Variants in TIRAP observed in about 807,000 individuals in gnomAD.
TIRAP encodes the protein toll/interleukin-1 receptor domain-containing adapter protein.
TIRAP carries 20 observed loss-of-function variants against 19.8 expected under a neutral mutation model. The observed-to-expected ratio is 1.01, with a 90% CI of 0.71 to 1.47. The LOEUF is 1.47. Ranked by LOEUF, TIRAP falls within the 40% of genes most tolerant of loss-of-function variation. The pLI is 0.00. For synonymous variants in TIRAP, 125 were observed against 121.7 expected (o/e 1.03, Z -0.18); for missense variants, 276 against 285.1 (o/e 0.97, Z 0.23).
intron 3 of TIRAP, among the ~76,000 whole-genome samples, 172 bp from the exon 4 acceptor site, chr11:126,292,305 A>AAG (rs1431513466): frequency 4.0e-5 from 6 of 150,954 alleles, no homozygotes; most frequent in African/African-American, 1.2e-4. Context: ...CTGCCTCAAA[A>AAG]AAAAAAAAAA....
chr11:126,284,305 A>G (rs186149435), intron 1 of TIRAP, among the ~76,000 whole-genome samples: 323 of 151,464 alleles, frequency 2.1e-3, no homozygotes, highest in South Asian at 0.011. Flanking sequence ...GAGTGCTGGG[A>G]TTACAGGCGT....
At position 126,290,960 on chromosome 11, in the gene TIRAP, TGG is replaced by T. The variant is rs769996139; in HGVS notation, c.67_67+1del. 17 of 1,604,380 alleles carry T rather than the reference TGG, an allele frequency of 1.1e-5. 1 individual carries two copies. The African/African-American group carries it at 1.2e-4, about 11-fold the overall frequency. ...CTAAGAAGCCTCTAGGCAAGATGGC[TGG>T]TGAGTGGAACCGGACTCGCGACTCT... On this transcript the variant is annotated splice_donor_variant and coding_sequence_variant, in exon 3 of 5. Transcript: ENST00000392679. LOFTEE classifies it high-confidence loss of function. The surrounding 1 kb of genome is among the most constrained non-coding windows in gnomAD (Gnocchi z 4.9).
Position 126,287,318 on chromosome 11 carries a change from A to AT in TIRAP, c.-216-3131dup, listed in dbSNP as rs34312598. ...ATATTGGATACTAAATACACTTTGG[A>AT]TTTTTTTTTTTTTATTTTTGAGACT... is the stretch of plus-strand genomic sequence containing the variant. On this transcript the variant is annotated intron_variant, in intron 1 of 4. Transcript: ENST00000392679. This position sits in a 1 kb window ranked among gnomAD's most constrained non-coding sequence, Gnocchi z 4.2. Among the ~76,000 whole-genome samples the AT allele has an allele frequency of 0.1, 14,740 of 147,420 alleles. 852 individuals carry two copies. The highest frequency in any genetic ancestry group is 0.14 in the Non-Finnish European group (8,999 of 66,412).
chr11:126,292,986 T>C lies in TIRAP; in HGVS notation c.577T>C (p.Phe193Leu). 2.5e-6 allele frequency: 4 copies of C among 1,614,168 alleles called. No individual in the cohort carries two copies. The South Asian group carries it at 3.3e-5, about 13-fold the overall frequency. ...AGCTGCCTACCCACCTGAGCTCCGA[T>C]TCATGTACTACGTCGATGGCAGGGG... ...SRAAYPPELR[F>L]MYYVDGRGPD... Residue 193 changes from phenylalanine (F) to leucine (L), a missense_variant, in exon 4 of 5, where the codon TTC becomes CTC. Coordinates refer to ENST00000392679, the MANE Select transcript of TIRAP (RefSeq NM_001318777.2).
Position 126,292,560 on chromosome 11 carries a change from A to G in TIRAP, c.151A>G (p.Thr51Ala), listed in dbSNP as rs765726820. ...ESTSSDASQP[T>A]SQDSPLPPSL... is the part of the protein sequence containing the mutation. ...CACCTCCAGCGATGCTTCACAGCCT[A>G]CCTCACAGGACAGCCCACTACCCCC... The change falls in exon 4 of 5, where the codon ACC becomes GCC. Residue 51 changes from threonine (T) to alanine (A), a missense_variant. Coordinates refer to ENST00000392679, the MANE Select transcript of TIRAP (RefSeq NM_001318777.2). The G allele has an allele frequency of 1.3e-5, 21 of 1,613,914 alleles. No homozygotes were observed. In the South Asian group the frequency reaches 2.2e-4, roughly 17 times the overall value.
Position 126,294,680 on chromosome 11 carries a change from T to A in TIRAP, c.*993T>A. On this transcript the variant is annotated 3_prime_UTR_variant, in exon 5 of 5. Coordinates refer to ENST00000392679, the MANE Select transcript of TIRAP (RefSeq NM_001318777.2). Reference sequence around the variant, plus strand: ...AACTGAAATGAATTTCATTATTTCCTCCAATGTGTACTTTTGTGCCCCCCT... The same window carrying A: ...AACTGAAATGAATTTCATTATTTCCACCAATGTGTACTTTTGTGCCCCCCT... The A allele has an allele frequency of 2.5e-6, 1 of 392,752 alleles. No homozygotes were observed. The allele number at this position is 392,752 out of a possible 1,614,324, so 24.3% of individuals were successfully genotyped here.
rs1951366428 is a variant in TIRAP at position 126,290,447 on chromosome 11, C to T, written c.-216-15C>T. 7 of 991,126 alleles carry T rather than the reference C, an allele frequency of 7.1e-6. No individual in the cohort carries two copies. In the South Asian group the frequency reaches 3.2e-4, roughly 46 times the overall value. The allele number at this position is 991,126 out of a possible 1,614,324, so 61.4% of individuals were successfully genotyped here. The stretch of plus-strand genomic sequence containing the variant: ...ATTTGTCCAAATAGCAACTGTCCTT[C>T]TTCTGCCATTTCAGGCCTTACATAG... On this transcript the variant is annotated splice_polypyrimidine_tract_variant and intron_variant, in intron 1 of 4. Transcript: ENST00000392679. The surrounding 1 kb of genome is among the most constrained non-coding windows in gnomAD (Gnocchi z 4.9).
Position 126,293,785 on chromosome 11 carries a change from G to C in TIRAP, c.*98G>C. ...TCCCACAAATGTGACAAGAGGTATA[G>C]GGAGTGAGTCACAGCGCTTTGCTCG... On this transcript the variant is annotated 3_prime_UTR_variant, in exon 5 of 5. Coordinates refer to ENST00000392679, the MANE Select transcript of TIRAP (RefSeq NM_001318777.2). The C allele has an allele frequency of 7.2e-7, 1 of 1,397,786 alleles. No individual in the cohort carries two copies. Among genetic ancestry groups the C allele is most frequent in the Middle Eastern group, 1.8e-4 (1 of 5,672 alleles). 86.6% of individuals were successfully genotyped at this position (1,397,786 alleles called of 1,614,324 possible).
chr11:126,285,899 A>C (rs879596608), intron 1 of TIRAP, among the ~76,000 whole-genome samples: 3 of 151,408 alleles, frequency 2.0e-5, no homozygotes, highest in Admixed American at 1.3e-4. Context: ...AAAATGAAAA[A>C]AATAAATTAG....
Position 126,290,352 on chromosome 11 carries a change from A to G in TIRAP, c.-216-110A>G. 1 of 863,866 alleles carries G rather than the reference A, an allele frequency of 1.2e-6. No individual in the cohort carries two copies. The highest frequency in any genetic ancestry group is 1.4e-6 in the Non-Finnish European group (1 of 719,196). The allele number at this position is 863,866 out of a possible 1,614,324, so 53.5% of individuals were successfully genotyped here. ...TCAGGGGGAGGCAGACTTGGAGGAA[A>G]AGTCTCCCAAGATTTCCTGCATGTG... On this transcript the variant is annotated intron_variant, in intron 1 of 4. Coordinates refer to ENST00000392679, the MANE Select transcript of TIRAP (RefSeq NM_001318777.2). The surrounding 1 kb of genome is among the most constrained non-coding windows in gnomAD (Gnocchi z 4.9).
rs1240558446 is a variant in TIRAP at position 126,290,849 on chromosome 11, C to T, written c.-46C>T. ...AGACTGGGTCTCCTCCCTCCTCCCC[C>T]TTCACCAATGCCTGGTCTCACGGGG... On this transcript the variant is annotated 5_prime_UTR_variant, in exon 3 of 5. Transcript: ENST00000392679. The surrounding 1 kb of genome is among the most constrained non-coding windows in gnomAD (Gnocchi z 4.9). 4.5e-6 allele frequency: 7 copies of T among 1,570,490 alleles called. No homozygotes were observed. Among genetic ancestry groups the T allele is most frequent in the Middle Eastern group, 1.7e-4 (1 of 6,002 alleles).
rs1253937291 is a variant in TIRAP, at chr11:126,292,731, GA to G, written c.324del (p.Gly109AlafsTer21). 6 of 1,613,260 alleles carry G rather than the reference GA, an allele frequency of 3.7e-6. No homozygotes were observed. Among genetic ancestry groups the G allele is most frequent in the African/African-American group, 1.3e-5 (1 of 74,904 alleles). On this transcript the variant is annotated frameshift_variant, in exon 4 of 5. Coordinates refer to ENST00000392679, the MANE Select transcript of TIRAP (RefSeq NM_001318777.2). LOFTEE classifies it high-confidence loss of function. ...CGCCCAGGACCTGGTCTCCTACTTG[GA>G]AGGCAGCACTGCCAGCCTGCGCTGC... The part of the protein sequence containing the change: ...VAAQDLVSYL[E>X]GSTASLRCFL...
chr11:126,293,108 TC>T (rs764570431), intron 4 of TIRAP, 53 bp downstream of exon 4: 4 of 1,611,614 alleles, frequency 2.5e-6, no homozygotes, highest in Non-Finnish European at 3.4e-6. Flanking sequence ...CAGTATCTGA[TC>T]TACTTTGACT....
rs531050488 is a variant in TIRAP at position 126,294,747 on chromosome 11, T to A, written c.*1060T>A. Reference sequence around the variant, plus strand: ...ATGACCCCTCTTTTGCTGAAAAAAATTTTTATTATTTTTTCTATCTCTAGT... The same window carrying A: ...ATGACCCCTCTTTTGCTGAAAAAAAATTTTATTATTTTTTCTATCTCTAGT... On this transcript the variant is annotated 3_prime_UTR_variant, in exon 5 of 5. Coordinates refer to ENST00000392679, the MANE Select transcript of TIRAP (RefSeq NM_001318777.2). The A allele has an allele frequency of 3.5e-5, 10 of 289,006 alleles. No homozygotes were observed. In the East Asian group the frequency reaches 3.8e-4, roughly 11 times the overall value. The allele number at this position is 289,006 out of a possible 1,614,324, so 17.9% of individuals were successfully genotyped here. A position where few individuals can be genotyped will look rare whatever the true frequency, so the allele number is the denominator to read the frequency against.
Position 126,287,633 on chromosome 11 carries a change from T to C in TIRAP, c.-216-2829T>C, listed in dbSNP as rs1166460783. 1.3e-5 allele frequency among the ~76,000 whole-genome samples: 2 copies of C among 151,872 alleles called. No individual in the cohort carries two copies. Among genetic ancestry groups the C allele is most frequent in the Admixed American group, 6.6e-5 (1 of 15,234 alleles). ...TGTGCCCAGCCCACTTTGGATTTTA[T>C]ACAGCAAAACTCCATAATGTTTCCT... is the stretch of plus-strand genomic sequence containing the variant. On this transcript the variant is annotated intron_variant, in intron 1 of 4. Coordinates refer to ENST00000392679, the MANE Select transcript of TIRAP (RefSeq NM_001318777.2). The surrounding 1 kb of genome is among the most constrained non-coding windows in gnomAD (Gnocchi z 4.2).
In TIRAP at chr11:126,291,458, A is replaced by G. The variant is rs1242751895; in HGVS notation, c.67+497A>G. 1.5e-6 allele frequency: 2 copies of G among 1,321,216 alleles called. No homozygotes were observed. The highest frequency in any genetic ancestry group is 5.0e-5 in the East Asian group (1 of 20,116). 81.8% of individuals were successfully genotyped at this position (1,321,216 alleles called of 1,614,324 possible). ...AGGCAGACCCTGCTGAAGAAGCCCA[A>G]GAAGAGGCCCGGCTCCCTGACATAC... is the stretch of plus-strand genomic sequence containing the variant. On this transcript the variant is annotated intron_variant, in intron 3 of 4. Transcript: ENST00000392679. This position sits in a 1 kb window ranked among gnomAD's most constrained non-coding sequence, Gnocchi z 5.6.
chr11:126,291,637 C>G lies in TIRAP; in HGVS notation c.67+676C>G. 1 of 418,600 alleles carries G rather than the reference C, an allele frequency of 2.4e-6. No individual in the cohort carries two copies. The highest frequency in any genetic ancestry group is 4.8e-6 in the Non-Finnish European group (1 of 206,772). 25.9% of individuals were successfully genotyped at this position (418,600 alleles called of 1,614,324 possible). ...GAGCAGTAGCCTCTTCCCCATTTAG[C>G]GACAATCTAGGATTTCTTGGGGCCA... On this transcript the variant is annotated intron_variant, in intron 3 of 4. Transcript: ENST00000392679. The surrounding 1 kb of genome is among the most constrained non-coding windows in gnomAD (Gnocchi z 5.6).
chr11:126,294,387 C>A lies in TIRAP; in HGVS notation c.*700C>A. On this transcript the variant is annotated 3_prime_UTR_variant, in exon 5 of 5. Transcript: ENST00000392679. ...CAAACCTAGAAGCCTAGAGGCCATT[C>A]TGAATATGGGGGTGGGGTGGTGGAG... 1 of 383,510 alleles carries A rather than the reference C, an allele frequency of 2.6e-6. No individual in the cohort carries two copies. The highest frequency in any genetic ancestry group is 1.9e-5 in the South Asian group (1 of 52,000). 23.8% of individuals were successfully genotyped at this position (383,510 alleles called of 1,614,324 possible). A position where few individuals can be genotyped will look rare whatever the true frequency, so the allele number is the denominator to read the frequency against.
chr11:126,293,982 G>A lies in TIRAP; in HGVS notation c.*295G>A. 1 of 474,894 alleles carries A rather than the reference G, an allele frequency of 2.1e-6. No individual in the cohort carries two copies. Among genetic ancestry groups the A allele is most frequent in the South Asian group, 2.1e-5 (1 of 46,602 alleles). The allele number at this position is 474,894 out of a possible 1,614,324, so 29.4% of individuals were successfully genotyped here. ...AAGGCCATGAGGAAGCCAGAAATTG[G>A]AGGTGGTAGGAAGTGGTACTGATCA... On this transcript the variant is annotated 3_prime_UTR_variant, in exon 5 of 5. Coordinates refer to ENST00000392679, the MANE Select transcript of TIRAP (RefSeq NM_001318777.2).
Sources: allele counts gnomAD v4.1 joint callset (sites outside exome capture counted in the v4.1 genomes callset), GRCh38; gene constraint gnomAD v4.1.1; non-coding constraint Gnocchi (gnomAD v3.1); transcripts MANE v1.5; gene names NCBI Gene and HGNC (gene_info 2026-07-23, HGNC 2026-07-21).